CZIB: variants seen among roughly 807,000 people sequenced by gnomAD.
CZIB encodes the protein UPF0587 protein C1orf123.
A neutral mutation model predicts 28.3 loss-of-function variants in CZIB; 26 were observed. The observed-to-expected ratio is 0.92, with a 90% CI of 0.67 to 1.27. CZIB has a LOEUF of 1.27. Among genes scored for constraint, CZIB ranks in the 50% most tolerant of loss-of-function variants. The probability of loss-of-function intolerance (pLI) is 0.00; values close to 1 mark genes in which losing one functional copy is unlikely to be tolerated. For missense variants in CZIB, 179 were observed against 197.3 expected (o/e 0.91, Z 0.56); for synonymous variants, 78 against 71.1 (o/e 1.10, Z -0.49).
chr1:53,219,243 C>T (rs901988840), intron 2 of CZIB: 2 of 361,850 alleles, frequency 5.5e-6, no homozygotes, highest in Admixed American at 4.3e-5. Flanking sequence ...TTAGAAGATA[C>T]AAAATTACAG....
Position 53,220,317 on chromosome 1 carries a change from G to T in CZIB, c.34C>A (p.Leu12Met). ...GGCCGGAGGTTGGTGATGTTCTCCA[G>T]CGTGGCTTTGAGTTGCAGCGCGATT... ...GKIALQLKAT[L>M]ENITNLRPVG... The change falls in exon 2 of 8, where the codon CTG (leucine) becomes ATG (methionine). Residue 12 changes from leucine (L) to methionine (M), a missense_variant. By Grantham distance (15) the Leu-to-Met change is conservative. Transcript: ENST00000294360. 6.2e-7 allele frequency: 1 copy of T among 1,613,538 alleles called. No homozygotes were observed. The highest frequency in any genetic ancestry group is 8.5e-7 in the Non-Finnish European group (1 of 1,179,952).
At chr1:53,218,595 A>T in intron 3 of CZIB, 100 bp from the exon 4 acceptor site, 1 of 1,228,304 alleles carries the variant, frequency 8.1e-7, no homozygotes, top group Non-Finnish European at 1.2e-6. Context: ...AGAGACCAAG[A>T]CCCAGAAAGG....
At chr1:53,216,755 A>G (rs375079509) in intron 6 of CZIB, 27 bp downstream of exon 6, 8 of 1,608,136 alleles carry the variant, frequency 5.0e-6, no homozygotes, top group Admixed American at 3.3e-5. Flanking sequence ...CCAAAGACAA[A>G]GATTCCCCAG....
At chr1:53,219,881 G>T (rs1055364065) in intron 2 of CZIB, 1 of 207,566 alleles carries the variant, frequency 4.8e-6, no homozygotes, top group Non-Finnish European at 9.9e-6. Context: ...ACCAGTGTGG[G>T]AGGGCTAAGG....
At chr1:53,217,370 G>C (rs557573556) in intron 5 of CZIB, 5 of 155,568 alleles carry the variant, frequency 3.2e-5, no homozygotes, top group Non-Finnish European at 7.1e-5. Context: ...AGGGCAGAGG[G>C]CTGTCTTATA....
intron 3 of CZIB, 46 bp downstream of exon 3, chr1:53,218,821 T>C: frequency 1.1e-5 from 17 of 1,513,842 alleles, no homozygotes; most frequent in Non-Finnish European, 1.5e-5. Context: ...GAAGTGTATG[T>C]GTGTTTGTGA....
In CZIB at chr1:53,220,562, C is replaced by A. The variant is rs1276627203; in HGVS notation, c.6+8G>T. On this transcript the variant is annotated splice_region_variant and intron_variant, in intron 1 of 7. Coordinates refer to ENST00000294360, the MANE Select transcript of CZIB (RefSeq NM_017887.3). ...TCCGTGTCCCCGCGGCGGGCGGCCT[C>A]CCCTCACCCCCATGGTAGCCCTCTC... 1.3e-6 allele frequency: 2 copies of A among 1,598,950 alleles called. No homozygotes were observed. The highest frequency in any genetic ancestry group is 3.3e-5 in the Admixed American group (2 of 59,932).
intron 2 of CZIB, chr1:53,219,144 G>A (rs978835853): frequency 9.7e-5 from 55 of 568,432 alleles, no homozygotes; most frequent in African/African-American, 8.3e-4. Context: ...CCTCCTCTAT[G>A]AAGTGCTCAG....
At chr1:53,217,916 C>A in intron 5 of CZIB, 1 of 485,048 alleles carries the variant, frequency 2.1e-6, no homozygotes, top group Non-Finnish European at 3.7e-6. Flanking sequence ...CTCAGTGATG[C>A]AAACTGAACA....
chr1:53,214,288 C>G lies in CZIB; in HGVS notation c.*371G>C. ...AGTAAGTTCAGGTAACAGTACGTCA[C>G]CATTGGCTTCTGGCTCATTGAGTGA... On this transcript the variant is annotated 3_prime_UTR_variant, in exon 8 of 8. Coordinates refer to ENST00000294360, the MANE Select transcript of CZIB (RefSeq NM_017887.3). The G allele has an allele frequency of 4.8e-6, 1 of 208,262 alleles. No homozygotes were observed. The highest frequency in any genetic ancestry group is 9.7e-6 in the Non-Finnish European group (1 of 103,430). The allele number at this position is 208,262 out of a possible 1,614,324, so 12.9% of individuals were successfully genotyped here.
intron 6 of CZIB, 146 bp downstream of exon 6, chr1:53,216,636 T>A: frequency 1.4e-6 from 1 of 706,680 alleles, no homozygotes; most frequent in Admixed American, 2.6e-5. Context: ...TGCCCAAGCA[T>A]ACAGCAGCCA....
rs374037023 is a variant in CZIB at position 53,214,719 on chromosome 1, A to T, written c.423T>A (p.Asp141Glu). The change falls in exon 8 of 8, where the codon GAT becomes GAA. Residue 141 changes from aspartate to glutamate, a missense_variant. Asp to Glu is a conservative substitution (Grantham distance 45). Coordinates refer to ENST00000294360, the MANE Select transcript of CZIB (RefSeq NM_017887.3). ...NLQEKDWTDY[D>E]EKAQESVGIY... ...TTCCCACAGACTCCTGGGCCTTTTC[A>T]TCATAGTCAGTCCAGTCCTGGGAAA... The T allele has an allele frequency of 6.2e-7, 1 of 1,613,916 alleles. No homozygotes were observed. Among genetic ancestry groups the T allele is most frequent in the African/African-American group, 1.3e-5 (1 of 74,922 alleles).
chr1:53,215,918 G>A (rs762262731), intron 7 of CZIB, 73 bp downstream of exon 7: 184 of 1,468,582 alleles, frequency 1.3e-4, no homozygotes, highest in Non-Finnish European at 1.7e-4. Flanking sequence ...TTCCATTGAT[G>A]AGCCTTGTCC....
rs571628856 is a variant in CZIB, at chr1:53,214,571, G to C, written c.*88C>G. 17 of 1,129,040 alleles carry C rather than the reference G, an allele frequency of 1.5e-5. No homozygotes were observed. In the South Asian group the frequency reaches 2.0e-4, roughly 13 times the overall value. The allele number at this position is 1,129,040 out of a possible 1,614,324, so 69.9% of individuals were successfully genotyped here. On this transcript the variant is annotated 3_prime_UTR_variant, in exon 8 of 8. Coordinates refer to ENST00000294360, the MANE Select transcript of CZIB (RefSeq NM_017887.3). ...TTTCGTATAGCCACCAGGAGACAAG[G>C]GTCAAAGGAACGAGCCTCTGTGGGC... is the stretch of plus-strand genomic sequence containing the variant.
intron 7 of CZIB, 36 bp downstream of exon 7, chr1:53,215,955 C>T (rs774530368): frequency 1.3e-6 from 2 of 1,598,748 alleles, no homozygotes; most frequent in Non-Finnish European, 1.7e-6. Flanking sequence ...CCACCAGGTG[C>T]CCTACAGTAC....
intron 2 of CZIB, chr1:53,220,021 A>G: frequency 1.9e-6 from 1 of 515,890 alleles, no homozygotes; most frequent in African/African-American, 1.9e-5. Context: ...TTTAGTGTCC[A>G]TTTACAGACC....
intron 2 of CZIB, chr1:53,219,708 C>G (rs2100290653): frequency 6.5e-6 from 1 of 152,674 alleles, no homozygotes; most frequent in South Asian, 2.1e-4. Context: ...AGTCCGGAGG[C>G]AGCTTCCCGA....
intron 4 of CZIB, 72 bp downstream of exon 4, chr1:53,218,342 G>A (rs1294638696): frequency 1.3e-6 from 2 of 1,590,188 alleles, no homozygotes; most frequent in African/African-American, 1.3e-5. Context: ...GGTAACATGA[G>A]TCTACTTTCA....
In CZIB at chr1:53,218,371, GT is replaced by G. The variant is rs775007939; in HGVS notation, c.229+42del. On this transcript the variant is annotated intron_variant, in intron 4 of 7. Coordinates refer to ENST00000294360, the MANE Select transcript of CZIB (RefSeq NM_017887.3). ...ACTTTCAGCCTGGTGCCAGGAAGCT[GT>G]GGGCCACCCTGGCAGAACTCAGTAC... 3 of 1,606,380 alleles carry G rather than the reference GT, an allele frequency of 1.9e-6. No homozygotes were observed. The African/African-American group carries it at 4.0e-5, about 21-fold the overall frequency.
Sources: gnomAD v4.1 joint callset for allele counts on GRCh38, gnomAD v4.1.1 for gene constraint, MANE v1.5 for transcripts, NCBI Gene and HGNC (gene_info 2026-07-23, HGNC 2026-07-21) for gene names.